Variants in RUFY2 observed in about 807,000 individuals in gnomAD.
RUFY2 encodes RUN and FYVE domain containing 2.
A neutral mutation model predicts 94.4 loss-of-function variants in RUFY2; 49 were observed. That is an observed-to-expected ratio of 0.52 (90% CI 0.41 to 0.66). The LOEUF (loss-of-function observed/expected upper bound fraction) is 0.66. Ranked by LOEUF, RUFY2 falls within the 30% of genes least tolerant of loss-of-function variation. RUFY2 has a pLI of 0.00. For missense variants in RUFY2, 541 were observed against 692.8 expected (o/e 0.78, Z 2.46); for synonymous variants, 255 against 235.7 (o/e 1.08, Z -0.75).
At chr10:68,382,285 T>C (rs2049124901) in intron 10 of RUFY2, among the ~76,000 whole-genome samples, 1 of 151,510 alleles carries the variant, frequency 6.6e-6, no homozygotes, top group African/African-American at 2.4e-5. Flanking sequence ...CTCGATCTCC[T>C]GACCTTGTGA....
At chr10:68,407,049 C>T in intron 1 of RUFY2, 137 bp downstream of exon 1, 1 of 1,473,388 alleles carries the variant, frequency 6.8e-7, no homozygotes, top group South Asian at 1.4e-5. Context: ...CAGGCAGTCC[C>T]CGCCCATCCT....
intron 12 of RUFY2, chr10:68,378,563 C>T (rs1273043903): frequency 2.5e-6 from 4 of 1,578,656 alleles, no homozygotes; most frequent in Admixed American, 1.8e-5. Context: ...AAGTGGTCTT[C>T]AGAAAGATAT....
At chr10:68,406,283 A>C (rs1487122939) in intron 1 of RUFY2, among the ~76,000 whole-genome samples, 5 of 152,158 alleles carry the variant, frequency 3.3e-5, no homozygotes. Context: ...AAATGCAAAC[A>C]GCCACAACTG....
chr10:68,374,391 C>T (rs561901274), intron 13 of RUFY2, among the ~76,000 whole-genome samples: 5 of 152,056 alleles, frequency 3.3e-5, no homozygotes, highest in Middle Eastern at 3.4e-3. Flanking sequence ...GAAAAATTAA[C>T]TTCAGAGCAA....
At chr10:68,360,168 C>G (rs1201486901) in intron 15 of RUFY2, among the ~76,000 whole-genome samples, 1 of 152,048 alleles carries the variant, frequency 6.6e-6, no homozygotes, top group African/African-American at 2.4e-5. Flanking sequence ...GGTGTGGTGG[C>G]TCAAGCCTGT....
At chr10:68,341,741 TC>T (rs1483425858), downstream of RUFY2, 1 of 1,588,594 alleles carries the variant, frequency 6.3e-7, no homozygotes, top group Non-Finnish European at 8.5e-7. Flanking sequence ...CAATTTTTTT[TC>T]TTTTTTCTTT....
intron 13 of RUFY2, among the ~76,000 whole-genome samples, chr10:68,376,470 A>ATG (rs2048669587): frequency 2.4e-4 from 9 of 38,138 alleles, no homozygotes; most frequent in African/African-American, 9.0e-4. Flanking sequence ...ATATATATAT[A>ATG]TATATATATA....
At chr10:68,396,969 AG>A in intron 3 of RUFY2, 88 bp from the exon 4 acceptor site, 1 of 817,078 alleles carries the variant, frequency 1.2e-6, no homozygotes, top group Non-Finnish European at 2.0e-6. Flanking sequence ...ACAAGGAAAA[AG>A]GGCATTTTTA....
At chr10:68,391,784 A>G (rs1350598163) in intron 7 of RUFY2, among the ~76,000 whole-genome samples, 2 of 151,576 alleles carry the variant, frequency 1.3e-5, no homozygotes, top group African/African-American at 4.8e-5. Context: ...ACATGGTGAA[A>G]CCCCGTTTCT....
intron 1 of RUFY2, 26 bp from the exon 2 acceptor site, chr10:68,404,870 C>T: frequency 6.6e-7 from 1 of 1,526,318 alleles, no homozygotes; most frequent in East Asian, 2.4e-5. Flanking sequence ...AGGAATCCAA[C>T]ATCATTTGTA....
At chr10:68,366,575 T>A (rs2047834521) in intron 13 of RUFY2, among the ~76,000 whole-genome samples, 1 of 145,776 alleles carries the variant, frequency 6.9e-6, no homozygotes. Flanking sequence ...AAACCCTGTC[T>A]CTACTAAAAA....
At position 68,363,577 on chromosome 10, in the gene RUFY2, A is replaced by G. The variant is rs2047607282; in HGVS notation, c.1550+13T>C. On this transcript the variant is annotated intron_variant, in intron 15 of 17. Transcript: ENST00000602465. ...CAATAATGACTACTTAGTTGAAGGA[A>G]AAAAGAAATTACTCGCTAAGCTTGT... The G allele has an allele frequency of 1.3e-6, 2 of 1,563,296 alleles. No individual in the cohort carries two copies. Among genetic ancestry groups the G allele is most frequent in the Non-Finnish European group, 8.7e-7 (1 of 1,152,064 alleles).
intron 12 of RUFY2, 37 bp downstream of exon 12, chr10:68,379,387 A>C: frequency 1.4e-6 from 2 of 1,462,426 alleles, no homozygotes; most frequent in South Asian, 2.5e-5. Context: ...AGGGAAGAAG[A>C]AAAGAAAAAA....
intron 16 of RUFY2, among the ~76,000 whole-genome samples, chr10:68,348,579 A>G (rs1325368419): frequency 6.6e-6 from 1 of 151,872 alleles, no homozygotes; most frequent in Non-Finnish European, 1.5e-5. Context: ...CAACTTGATG[A>G]AAACCATACA....
chr10:68,396,140 AG>A (rs1479047970), intron 4 of RUFY2, among the ~76,000 whole-genome samples: 1 of 152,218 alleles, frequency 6.6e-6, no homozygotes, highest in Non-Finnish European at 1.5e-5. Flanking sequence ...CTGAGATTAC[AG>A]GCATGCGCCA....
intron 7 of RUFY2, among the ~76,000 whole-genome samples, chr10:68,392,736 C>T (rs982869659): frequency 1.5e-4 from 22 of 147,104 alleles, no homozygotes; most frequent in African/African-American, 5.1e-5. Context: ...TCCTGGCCAA[C>T]GTGGTGAAAC....
intron 13 of RUFY2, among the ~76,000 whole-genome samples, chr10:68,376,353 G>A (rs1213584049): frequency 6.8e-6 from 1 of 147,350 alleles, no homozygotes; most frequent in East Asian, 2.0e-4. Flanking sequence ...CTTGAACCCA[G>A]GAGGCAGAGG....
rs573786353 is a variant in RUFY2 at position 68,355,136 on chromosome 10, T to C, written c.1599+217A>G. On this transcript the variant is annotated intron_variant, in intron 16 of 17. Coordinates refer to ENST00000602465, the MANE Select transcript of RUFY2 (RefSeq NM_001330103.2). Reference sequence around the variant, plus strand: ...AGCTCGGATTACGGGCGTGAGCCACTGCGCCCGGCCTCTAAGGTCAGTTTC... The same window carrying C: ...AGCTCGGATTACGGGCGTGAGCCACCGCGCCCGGCCTCTAAGGTCAGTTTC... Among the ~76,000 whole-genome samples the C allele has an allele frequency of 2.6e-5, 4 of 152,256 alleles. No individual in the cohort carries two copies. The East Asian group carries it at 7.7e-4, about 29-fold the overall frequency.
intron 1 of RUFY2, among the ~76,000 whole-genome samples, chr10:68,406,095 A>G (rs1418621442): frequency 6.6e-6 from 1 of 151,930 alleles, no homozygotes; most frequent in Non-Finnish European, 1.5e-5. Flanking sequence ...GGAAAAACGA[A>G]GCACTTAGTA....
Sources: allele counts gnomAD v4.1 joint callset (sites outside exome capture counted in the v4.1 genomes callset), GRCh38; gene constraint gnomAD v4.1.1; transcripts MANE v1.5; gene names NCBI Gene and HGNC (gene_info 2026-07-23, HGNC 2026-07-21).